Variants in RFX6 observed in about 807,000 individuals in gnomAD.
RFX6 encodes the protein regulatory factor X6.
Under a neutral mutation model 110.8 loss-of-function variants are expected in RFX6, and 50 were observed. That is an observed-to-expected ratio of 0.45 (90% CI 0.36 to 0.57). The LOEUF (loss-of-function observed/expected upper bound fraction) is 0.57, where lower values mean the gene tolerates loss of function less well. Among genes scored for constraint, RFX6 ranks in the 20% least tolerant of loss-of-function variants. RFX6 has a pLI of 0.00. For synonymous variants in RFX6, 383 were observed against 411.2 expected, an observed-to-expected ratio of 0.93 and a Z score of 0.83; for missense variants, 990 against 1,127.0, an observed-to-expected ratio of 0.88 and a Z score of 1.74.
chr6:116,894,260 G>T (rs553938641), intron 5 of RFX6, among the ~76,000 whole-genome samples, 196 bp downstream of exon 5: 1 of 152,252 alleles, frequency 6.6e-6, no homozygotes, highest in East Asian at 1.9e-4. Flanking sequence ...TAATTAGTGA[G>T]AAATTAATTG....
intron 12 of RFX6, among the ~76,000 whole-genome samples, chr6:116,921,833 A>T (rs561450382): frequency 4.0e-5 from 6 of 151,896 alleles, no homozygotes; most frequent in East Asian, 1.9e-4. Flanking sequence ...TCTCTCTCTC[A>T]CACACACACC....
Position 116,911,055 on chromosome 6 carries a change from G to A in RFX6, c.780+13G>A, listed in dbSNP as rs1775338739. 1 of 1,507,114 alleles carries A rather than the reference G, an allele frequency of 6.6e-7. No homozygotes were observed. The highest frequency in any genetic ancestry group is 1.1e-5 in the South Asian group (1 of 88,906). 93.4% of individuals were successfully genotyped at this position (1,507,114 alleles called of 1,614,324 possible). On this transcript the variant is annotated intron_variant, in intron 7 of 18. Transcript: ENST00000332958. The stretch of plus-strand genomic sequence containing the variant: ...TTCTAAGGACAAGGTATCAATTACA[G>A]ATACTTCTCTATTGATTTTCTGATA...
chr6:116,912,499 G>T (rs1018385813), intron 7 of RFX6, among the ~76,000 whole-genome samples: 1 of 152,078 alleles, frequency 6.6e-6, no homozygotes, highest in African/African-American at 2.4e-5. Flanking sequence ...TTACCTTATA[G>T]ATGTAATGTG....
chr6:116,891,974 A>G (rs990482749), intron 4 of RFX6, among the ~76,000 whole-genome samples: 3 of 152,002 alleles, frequency 2.0e-5, no homozygotes, highest in African/African-American at 2.4e-5. Flanking sequence ...AGCAGTTATG[A>G]TGGTCCTTTT....
rs1774524368 is a variant in RFX6 at position 116,878,802 on chromosome 6, A to G, written c.380+850A>G. Among the ~76,000 whole-genome samples, 3 of 151,990 alleles carry G rather than the reference A, an allele frequency of 2.0e-5. No individual in the cohort carries two copies. The South Asian group carries it at 6.2e-4, about 31-fold the overall frequency. On this transcript the variant is annotated intron_variant, in intron 2 of 18. Transcript: ENST00000332958. ...ATCTAAGGAGCCTTAGAAAAATACA[A>G]GATAAAGAACTAGTAAATTTTATTT...
At chr6:116,914,958 T>C (rs924817046) in intron 7 of RFX6, among the ~76,000 whole-genome samples, 2 of 152,234 alleles carry the variant, frequency 1.3e-5, no homozygotes, top group Admixed American at 6.5e-5. Flanking sequence ...GTGCCTAATG[T>C]TACATAACTA....
intron 4 of RFX6, chr6:116,884,857 A>G (rs1251432976): frequency 6.6e-6 from 1 of 152,156 alleles, no homozygotes; most frequent in African/African-American, 2.4e-5. Flanking sequence ...GCAAGGCATT[A>G]ACAATTTGAA....
chr6:116,906,268 C>G (rs1470151366), intron 6 of RFX6, among the ~76,000 whole-genome samples: 2 of 152,194 alleles, frequency 1.3e-5, no homozygotes, highest in Admixed American at 6.5e-5. Context: ...GTTTTGATTA[C>G]TGTAACTTTA....
chr6:116,917,702 G>A (rs1421943744), intron 9 of RFX6, among the ~76,000 whole-genome samples: 3 of 152,018 alleles, frequency 2.0e-5, no homozygotes, highest in South Asian at 2.1e-4. Flanking sequence ...TAAGTAGAAC[G>A]GTGTAAGATG....
At chr6:116,908,711 CACACAG>C (rs1438676751) in intron 6 of RFX6, among the ~76,000 whole-genome samples, 2 of 143,988 alleles carry the variant, frequency 1.4e-5, no homozygotes, top group African/African-American at 5.1e-5. Flanking sequence ...CACACACACA[CACACAG>C]AGGGATTGAG....
chr6:116,893,029 C>G (rs143356381), intron 4 of RFX6, among the ~76,000 whole-genome samples: 1 of 152,116 alleles, frequency 6.6e-6, no homozygotes, highest in Non-Finnish European at 1.5e-5. Flanking sequence ...TCGGAAACAA[C>G]GTTTTAAAAT....
At chr6:116,911,101 T>A in intron 7 of RFX6, 59 bp downstream of exon 7, 1 of 1,159,536 alleles carries the variant, frequency 8.6e-7, no homozygotes, top group Non-Finnish European at 1.3e-6. Flanking sequence ...ATATGTCAAT[T>A]TGCTGGGAAT....
In RFX6 at chr6:116,882,447, T is replaced by C. The variant is rs1328210801; in HGVS notation, c.566+19T>C. 5 of 1,580,608 alleles carry C rather than the reference T, an allele frequency of 3.2e-6. No homozygotes were observed. In the South Asian group the frequency reaches 4.4e-5, roughly 14 times the overall value. ...ATTCAAAGTAAGATACCAGTGAACATATTCAGGTTCTGCTCTTGTGCATGA... is the reference window on the plus strand; with the variant it reads ...ATTCAAAGTAAGATACCAGTGAACACATTCAGGTTCTGCTCTTGTGCATGA... On this transcript the variant is annotated intron_variant, in intron 4 of 18. Transcript: ENST00000332958.
At chr6:116,927,584 T>A in intron 17 of RFX6, 45 bp downstream of exon 17, 1 of 1,543,434 alleles carries the variant, frequency 6.5e-7, no homozygotes, top group Non-Finnish European at 8.9e-7. Flanking sequence ...GAGATGGCAA[T>A]GAGGCAAAAT....
chr6:116,880,651 C>T lies in RFX6; in HGVS notation c.488C>T (p.Ala163Val), dbSNP rs772316570. The change falls in exon 3 of 19, where the codon GCG (alanine) becomes GTG (valine). Residue 163 changes from alanine (A) to valine (V), a missense_variant. By Grantham distance (64) the Ala-to-Val change is moderately conservative (BLOSUM62 0). Coordinates refer to ENST00000332958, the MANE Select transcript of RFX6 (RefSeq NM_173560.4). Reference sequence around the variant, plus strand: ...AAAGAGAAATTAGAGCCAGCCTGTGCGGCCACCTTTGGAAAGGTAAATGAC... The same window carrying T: ...AAAGAGAAATTAGAGCCAGCCTGTGTGGCCACCTTTGGAAAGGTAAATGAC... ...CRKEKLEPACAATFGKTIRQK... is the reference protein window; with the variant it reads ...CRKEKLEPACVATFGKTIRQK... 2.5e-6 allele frequency: 4 copies of T among 1,613,186 alleles called. No individual in the cohort carries two copies. The highest frequency in any genetic ancestry group is 2.5e-6 in the Non-Finnish European group (3 of 1,179,426).
intron 11 of RFX6, 33 bp from the exon 12 acceptor site, chr6:116,920,277 T>A: frequency 6.4e-7 from 1 of 1,559,720 alleles, no homozygotes; most frequent in South Asian, 1.1e-5. Context: ...AGAAATGATA[T>A]AGTGTAGTGT....
At chr6:116,916,653 G>A (rs888816878) in intron 9 of RFX6, among the ~76,000 whole-genome samples, 2 of 151,826 alleles carry the variant, frequency 1.3e-5, no homozygotes, top group Non-Finnish European at 2.9e-5. Flanking sequence ...TTTTCACAAT[G>A]CCAGTGTTTT....
chr6:116,913,070 T>C (rs536946112), intron 7 of RFX6, among the ~76,000 whole-genome samples: 1 of 152,248 alleles, frequency 6.6e-6, no homozygotes, highest in South Asian at 2.1e-4. Flanking sequence ...CTGCTTCTTT[T>C]TCTTTTTTCT....
chr6:116,914,291 G>A (rs1394192060), intron 7 of RFX6, among the ~76,000 whole-genome samples: 2 of 152,050 alleles, frequency 1.3e-5, no homozygotes, highest in Admixed American at 6.6e-5. Flanking sequence ...ATATTCCCTT[G>A]TGTATATACC....
Sources: allele counts gnomAD v4.1 joint callset (sites outside exome capture counted in the v4.1 genomes callset), GRCh38; gene constraint gnomAD v4.1.1; transcripts MANE v1.5; gene names NCBI Gene and HGNC (gene_info 2026-07-23, HGNC 2026-07-21).